Variants in GOLM1 observed in about 807,000 individuals in gnomAD.
GOLM1 encodes golgi membrane protein 1.
GOLM1 carries 31 observed loss-of-function variants against 50.5 expected under a neutral mutation model. That is an observed-to-expected ratio of 0.61 (90% CI 0.46 to 0.83). The LOEUF is 0.83. GOLM1 is among the 40% of genes least tolerant of loss of function. GOLM1 has a pLI of 0.00. For synonymous variants in GOLM1, 178 were observed against 192.8 expected, an observed-to-expected ratio of 0.92 and a Z score of 0.64; for missense variants, 491 against 501.3, an observed-to-expected ratio of 0.98 and a Z score of 0.20.
At chr9:86,040,444 C>A (rs1452428144) in intron 6 of GOLM1, among the ~76,000 whole-genome samples, 2 of 152,138 alleles carry the variant, frequency 1.3e-5, no homozygotes, top group Admixed American at 1.3e-4. Context: ...CTTAACCCCT[C>A]CCATGGGGCT....
At chr9:86,055,237 T>C (rs1458849127) in intron 3 of GOLM1, among the ~76,000 whole-genome samples, 1 of 152,116 alleles carries the variant, frequency 6.6e-6, no homozygotes, top group African/African-American at 2.4e-5. Context: ...GTAAAAGTCA[T>C]CCCTCAGGGA....
chr9:86,062,731 G>C (rs555314599), intron 3 of GOLM1, among the ~76,000 whole-genome samples: 16 of 151,814 alleles, frequency 1.1e-4, no homozygotes, highest in East Asian at 5.8e-4. Flanking sequence ...AAGCAAACGG[G>C]GGGGGCTGCC....
intron 1 of GOLM1, among the ~76,000 whole-genome samples, chr9:86,088,802 T>C (rs547548158): frequency 2.0e-5 from 3 of 152,246 alleles, no homozygotes; most frequent in Non-Finnish European, 2.9e-5. Flanking sequence ...GATCCTGTCA[T>C]TATGATGTTA....
rs1834718112 is a variant in GOLM1 at position 86,079,321 on chromosome 9, C to T, written c.-1G>A. The T allele has an allele frequency of 1.3e-6, 2 of 1,582,530 alleles. No homozygotes were observed. Among genetic ancestry groups the T allele is most frequent in the Non-Finnish European group, 1.7e-6 (2 of 1,165,566 alleles). ...GACGCCCGTTTCCCAAGCCCATCAT[C>T]TCAAAATCAGCGCTGAGAATCTGCC... On this transcript the variant is annotated 5_prime_UTR_variant, in exon 2 of 10. Transcript: ENST00000388712.
At chr9:86,040,449 G>A (rs1038059664) in intron 6 of GOLM1, among the ~76,000 whole-genome samples, 11 of 152,128 alleles carry the variant, frequency 7.2e-5, no homozygotes, top group African/African-American at 2.4e-4. Context: ...CCCCTCCCAT[G>A]GGGCTGGGGT....
At chr9:86,090,214 G>A (rs902810311) in intron 1 of GOLM1, among the ~76,000 whole-genome samples, 1 of 152,146 alleles carries the variant, frequency 6.6e-6, no homozygotes, top group African/African-American at 2.4e-5. Flanking sequence ...CAGTCAGGAG[G>A]CACAGGGGTC....
At chr9:86,077,062 T>C (rs1333291870) in intron 3 of GOLM1, among the ~76,000 whole-genome samples, 1 of 151,976 alleles carries the variant, frequency 6.6e-6, no homozygotes, top group Non-Finnish European at 1.5e-5. Context: ...TTCTCTGAGA[T>C]ATAAGCACCT....
chr9:86,076,707 A>G (rs180819182), intron 3 of GOLM1, among the ~76,000 whole-genome samples: 131 of 150,468 alleles, frequency 8.7e-4, no homozygotes, highest in Non-Finnish European at 1.5e-3. Flanking sequence ...TCTACTAAAA[A>G]TATAAAAATT....
At position 86,027,593 on chromosome 9, in the gene GOLM1, A is replaced by G. The variant is rs1832825856; in HGVS notation, c.*224T>C. The G allele has an allele frequency of 7.6e-7, 1 of 1,312,064 alleles. No homozygotes were observed. Among genetic ancestry groups the G allele is most frequent in the South Asian group, 2.2e-5 (1 of 45,176 alleles). 81.3% of individuals were successfully genotyped at this position (1,312,064 alleles called of 1,614,324 possible). A position where few individuals can be genotyped will look rare whatever the true frequency, so the allele number is the denominator to read the frequency against. ...ACTTCTCACGAAATACCTACTACCA[A>G]AAATTGTGACACCTTATTAGACACT... On this transcript the variant is annotated 3_prime_UTR_variant, in exon 10 of 10. Coordinates refer to ENST00000388712, the MANE Select transcript of GOLM1 (RefSeq NM_016548.4).
chr9:86,047,430 TACAC>T (rs1377428338), intron 4 of GOLM1, among the ~76,000 whole-genome samples: 1 of 152,074 alleles, frequency 6.6e-6, no homozygotes, highest in Non-Finnish European at 1.5e-5. Context: ...TGAATTACGA[TACAC>T]ACAACACGGA....
intron 3 of GOLM1, among the ~76,000 whole-genome samples, chr9:86,056,830 T>G (rs1287962664): frequency 6.6e-6 from 1 of 151,708 alleles, no homozygotes; most frequent in Non-Finnish European, 1.5e-5. Flanking sequence ...AGAGACAGTC[T>G]CACTCTGTTG....
intron 1 of GOLM1, among the ~76,000 whole-genome samples, chr9:86,098,979 T>C (rs1377939665): frequency 1.3e-5 from 2 of 152,164 alleles, no homozygotes; most frequent in African/African-American, 2.4e-5. Flanking sequence ...GACTCGCGGC[T>C]CGGCCAGCCT....
intron 7 of GOLM1, among the ~76,000 whole-genome samples, chr9:86,035,878 C>CAAAAAAAAAAAAAAAAAAAAAAAAA (rs1212918413): frequency 9.8e-6 from 1 of 101,546 alleles, no homozygotes; most frequent in Non-Finnish European, 1.9e-5. Context: ...AAAAAAAAAA[C>CAAAAAAAAAAAAAAAAAAAAAAAAA]AAAACAAAAA....
intron 1 of GOLM1, among the ~76,000 whole-genome samples, chr9:86,089,013 A>G (rs1393388467): frequency 6.6e-6 from 1 of 152,112 alleles, no homozygotes. Flanking sequence ...CTTATCCTTC[A>G]CTTATGAAGC....
At chr9:86,083,547 G>C (rs576377808) in intron 1 of GOLM1, among the ~76,000 whole-genome samples, 2 of 152,306 alleles carry the variant, frequency 1.3e-5, no homozygotes, top group African/African-American at 4.8e-5. Flanking sequence ...ACCACACCCA[G>C]CTAGTTTTTT....
chr9:86,083,317 T>C (rs570966857), intron 1 of GOLM1, among the ~76,000 whole-genome samples: 8 of 152,340 alleles, frequency 5.3e-5, no homozygotes, highest in African/African-American at 1.7e-4. Context: ...AAGCCATATG[T>C]TTAGGAACTA....
chr9:86,055,313 G>A (rs907828019), intron 3 of GOLM1, among the ~76,000 whole-genome samples: 5 of 151,954 alleles, frequency 3.3e-5, no homozygotes, highest in African/African-American at 1.2e-4. Flanking sequence ...AGAGAGACTA[G>A]GAAATTAAAG....
intron 3 of GOLM1, among the ~76,000 whole-genome samples, chr9:86,056,695 A>G (rs140454793): frequency 0.024 from 3,572 of 151,960 alleles, 130 homozygotes; most frequent in African/African-American, 0.078. Context: ...TAGTAGAGAC[A>G]GGGTTTCACC....
intron 1 of GOLM1, among the ~76,000 whole-genome samples, chr9:86,089,409 G>A (rs1019413635): frequency 1.3e-5 from 2 of 152,002 alleles, no homozygotes; most frequent in African/African-American, 4.8e-5. Context: ...ACATAGGTTT[G>A]GTCTTTTCAC....
Sources: allele counts gnomAD v4.1 joint callset (sites outside exome capture counted in the v4.1 genomes callset), GRCh38; gene constraint gnomAD v4.1.1; transcripts MANE v1.5; gene names NCBI Gene and HGNC (gene_info 2026-07-23, HGNC 2026-07-21).